Variants in SCAPER observed in about 807,000 individuals in gnomAD.
The protein encoded by SCAPER is S phase cyclin A-associated protein in the endoplasmic reticulum.
Under a neutral mutation model 182.2 loss-of-function variants are expected in SCAPER, and 98 were observed. That is an observed-to-expected ratio of 0.54 (90% CI 0.46 to 0.64). SCAPER has a LOEUF of 0.64. Ranked by LOEUF, SCAPER falls within the 30% of genes least tolerant of loss-of-function variation. SCAPER has a pLI of 0.00. For missense variants in SCAPER, 1,432 were observed against 1,690.0 expected (o/e 0.85, Z 2.68); for synonymous variants, 605 against 564.6 (o/e 1.07, Z -1.01).
intron 26 of SCAPER, among the ~76,000 whole-genome samples, chr15:76,418,094 T>C (rs2045782468): frequency 6.6e-6 from 1 of 152,146 alleles, no homozygotes; most frequent in African/African-American, 2.4e-5. Context: ...TGCCTGGTGG[T>C]TGTCCCCCTC....
At chr15:76,854,810 A>C (rs1403269316) in intron 4 of SCAPER, among the ~76,000 whole-genome samples, 2 of 150,188 alleles carry the variant, frequency 1.3e-5, no homozygotes, top group Admixed American at 6.6e-5. Context: ...ATACAAAAAA[A>C]AAAAAAAAAA....
At chr15:76,734,324 G>A (rs2061112013) in intron 15 of SCAPER, among the ~76,000 whole-genome samples, 1 of 152,276 alleles carries the variant, frequency 6.6e-6, no homozygotes, top group Admixed American at 6.5e-5. Flanking sequence ...AAGCCAGAGC[G>A]GAGGGTATGC....
At chr15:76,440,275 A>G (rs961496789) in intron 25 of SCAPER, among the ~76,000 whole-genome samples, 1 of 152,238 alleles carries the variant, frequency 6.6e-6, no homozygotes, top group African/African-American at 2.4e-5. Flanking sequence ...CCCTGAATCA[A>G]AATGTTTTCA....
intron 23 of SCAPER, among the ~76,000 whole-genome samples, chr15:76,523,278 A>G (rs1345941942): frequency 1.3e-5 from 2 of 152,084 alleles, no homozygotes. Flanking sequence ...ATTTGCATAA[A>G]ATGAGGAAGA....
Position 76,510,868 on chromosome 15 carries a change from T to C in SCAPER, c.2839-5894A>G, listed in dbSNP as rs569753080. On this transcript the variant is annotated intron_variant, in intron 23 of 31. Transcript: ENST00000563290. The stretch of plus-strand genomic sequence containing the variant: ...GGATAAAGAAACTGGTGCGCGCGTG[T>C]GTGTGTGTGTGTGTGTGTGTGCGCG... 4.9e-3 allele frequency among the ~76,000 whole-genome samples: 501 copies of C among 102,162 alleles called. 3 individuals carry two copies. Among genetic ancestry groups the C allele is most frequent in the South Asian group, 0.027 (108 of 4,066 alleles). The allele number at this position is 102,162 out of a possible 152,430, so 67.0% of individuals were successfully genotyped here. A position where few individuals can be genotyped will look rare whatever the true frequency, so the allele number is the denominator to read the frequency against.
chr15:76,716,417 T>C (rs927809343), intron 17 of SCAPER, among the ~76,000 whole-genome samples: 2 of 151,834 alleles, frequency 1.3e-5, no homozygotes, highest in Admixed American at 6.6e-5. Context: ...CAAGGAAATA[T>C]GAAACCACTA....
intron 22 of SCAPER, among the ~76,000 whole-genome samples, chr15:76,590,608 C>T (rs1174861579): frequency 6.6e-6 from 1 of 152,106 alleles, no homozygotes; most frequent in African/African-American, 2.4e-5. Context: ...ATTAGCACAA[C>T]CTCTATGGAA....
chr15:76,554,941 C>T (rs556447411), intron 23 of SCAPER, among the ~76,000 whole-genome samples: 5 of 152,068 alleles, frequency 3.3e-5, no homozygotes, highest in African/African-American at 1.2e-4. Context: ...CCAACATGCC[C>T]AGCTAATTTT....
At chr15:76,422,254 T>C (rs547033804) in intron 26 of SCAPER, among the ~76,000 whole-genome samples, 1 of 152,342 alleles carries the variant, frequency 6.6e-6, no homozygotes, top group South Asian at 2.1e-4. Flanking sequence ...TCCATAAGCA[T>C]GGAATGTTCT....
chr15:76,565,284 G>C (rs1016409529), intron 23 of SCAPER, among the ~76,000 whole-genome samples: 3 of 151,672 alleles, frequency 2.0e-5, no homozygotes, highest in Admixed American at 2.0e-4. Context: ...CCTAATACCT[G>C]GCATCTATAA....
At chr15:76,534,723 A>G (rs1326583717) in intron 23 of SCAPER, among the ~76,000 whole-genome samples, 1 of 152,176 alleles carries the variant, frequency 6.6e-6, no homozygotes, top group African/African-American at 2.4e-5. Flanking sequence ...GATAGGATGA[A>G]TAGTTCTCTT....
intron 5 of SCAPER, among the ~76,000 whole-genome samples, chr15:76,824,916 C>T (rs2067872091): frequency 6.6e-6 from 1 of 152,132 alleles, no homozygotes; most frequent in African/African-American, 2.4e-5. Flanking sequence ...AAATATTTTA[C>T]TGCAATTCCT....
In SCAPER at chr15:76,403,616, C is replaced by T. The variant is rs193062855; in HGVS notation, c.3467+908G>A. ...ACTGAATATAGATGGATAATATTTC[C>T]TTAAGAAGCTAGACTTTAGAAGCTT... On this transcript the variant is annotated intron_variant, in intron 27 of 31. Transcript: ENST00000563290. 3.1e-3 allele frequency among the ~76,000 whole-genome samples: 469 copies of T among 152,128 alleles called. 4 individuals are homozygous for T. Among genetic ancestry groups the T allele is most frequent in the African/African-American group, 0.011 (452 of 41,500 alleles).
intron 24 of SCAPER, among the ~76,000 whole-genome samples, chr15:76,488,299 T>C (rs1475675246): frequency 1.3e-5 from 2 of 152,212 alleles, no homozygotes; most frequent in Non-Finnish European, 2.9e-5. Context: ...CAGAGGATGA[T>C]AAAATTTGAA....
At chr15:76,463,487 C>T (rs2049349446) in intron 25 of SCAPER, among the ~76,000 whole-genome samples, 1 of 152,118 alleles carries the variant, frequency 6.6e-6, no homozygotes. Context: ...TCTGATTCAA[C>T]AGTATCATAT....
intron 29 of SCAPER, among the ~76,000 whole-genome samples, chr15:76,365,096 G>A (rs892551909): frequency 6.6e-6 from 1 of 152,116 alleles, no homozygotes; most frequent in Non-Finnish European, 1.5e-5. Context: ...CTGGAACAGT[G>A]CCTGGCACAC....
intron 20 of SCAPER, among the ~76,000 whole-genome samples, chr15:76,667,348 C>T: frequency 6.6e-6 from 1 of 152,054 alleles, no homozygotes; most frequent in East Asian, 1.9e-4. Context: ...GGTCCTTTTC[C>T]TCTTCTTGAC....
intron 1 of SCAPER, among the ~76,000 whole-genome samples, chr15:76,898,702 G>C (rs970735668): frequency 1.3e-5 from 2 of 152,188 alleles, no homozygotes; most frequent in Admixed American, 1.3e-4. Flanking sequence ...AATCCATAAA[G>C]ACAGAAAGTA....
intron 17 of SCAPER, among the ~76,000 whole-genome samples, chr15:76,707,900 T>TCAACCA (rs910594676): frequency 2.0e-5 from 3 of 151,786 alleles, no homozygotes; most frequent in African/African-American, 7.3e-5. Flanking sequence ...AGTACATTCT[T>TCAACCA]CAACCACAAA....
Sources: gnomAD v4.1 joint callset for allele counts (sites outside exome capture counted in the v4.1 genomes callset) on GRCh38, gnomAD v4.1.1 for gene constraint, MANE v1.5 for transcripts, NCBI Gene and HGNC (gene_info 2026-07-23, HGNC 2026-07-21) for gene names.